LGI3: variants seen among roughly 807,000 people sequenced by gnomAD.
LGI3 encodes the protein leucine-rich repeat LGI family member 3.
In LGI3, 47 loss-of-function variants were observed where a neutral mutation model predicts 55.4. The observed-to-expected ratio is 0.85, with a 90% confidence interval of 0.67 to 1.08. The LOEUF is 1.08. Among genes scored for constraint, LGI3 ranks in the 50% least tolerant of loss-of-function variants. The pLI, the probability that LGI3 is intolerant of heterozygous loss-of-function variation, is 0.00. For synonymous variants in LGI3, 326 were observed against 315.0 expected (o/e 1.04, Z -0.37); for missense variants, 664 against 726.3 (o/e 0.91, Z 0.99).
chr8:22,151,365 C>A, intron 7 of LGI3, 124 bp downstream of exon 7: 3 of 913,080 alleles, frequency 3.3e-6, no homozygotes, highest in Non-Finnish European at 5.1e-6. Flanking sequence ...CTGGAAAGTT[C>A]TTGTGGGCAG....
At chr8:22,151,690 G>T in intron 6 of LGI3, 37 bp from the exon 7 acceptor site, 1 of 1,606,270 alleles carries the variant, frequency 6.2e-7, no homozygotes, top group Non-Finnish European at 8.5e-7. Flanking sequence ...AGACCAGAGG[G>T]AGAAGGGAAG....
At chr8:22,154,503 C>T in intron 3 of LGI3, 57 bp downstream of exon 3, 3 of 1,507,740 alleles carry the variant, frequency 2.0e-6, no homozygotes, top group Non-Finnish European at 2.8e-6. Flanking sequence ...CTCGGCCTCC[C>T]AGGCCTGGGG....
Position 22,154,221 on chromosome 8 carries a change from A to C in LGI3, c.351-8T>G, listed in dbSNP as rs931573680. On this transcript the variant is annotated splice_region_variant and splice_polypyrimidine_tract_variant and intron_variant, in intron 3 of 7. Coordinates refer to ENST00000306317, the MANE Select transcript of LGI3 (RefSeq NM_139278.4). ...TCATTGTTCTCAATGAAGCTGGGGA[A>C]AGCGGGAACTTGCCTCAGTGCTCAC... 3 of 1,613,374 alleles carry C rather than the reference A, an allele frequency of 1.9e-6. No individual in the cohort carries two copies. The highest frequency in any genetic ancestry group is 1.7e-6 in the Non-Finnish European group (2 of 1,179,580).
intron 1 of LGI3, 79 bp downstream of exon 1, chr8:22,156,258 G>T: frequency 6.9e-7 from 1 of 1,456,128 alleles, no homozygotes; most frequent in Non-Finnish European, 9.4e-7. Flanking sequence ...GGGGGAGCGG[G>T]GGTTCTCCTG....
In LGI3 at chr8:22,153,974, T is replaced by G. The variant is rs780011979; in HGVS notation, c.488A>C (p.Asn163Thr). Reference protein sequence around the residue: ...RDIFRPLDILNDLDLRGNSLN... With the variant: ...RDIFRPLDILTDLDLRGNSLN... ...GGCAGGACTCAGGCCTTACAAGTCA[T>G]TCAGGATGTCCAGGGGCCGGAAGAT... The change falls in exon 5 of 8, where the codon AAT becomes ACT. Residue 163 changes from asparagine to threonine, a missense_variant. Asn to Thr is a moderately conservative substitution (Grantham distance 65). Transcript: ENST00000306317. 7 of 1,613,874 alleles carry G rather than the reference T, an allele frequency of 4.3e-6. No individual in the cohort carries two copies. In the South Asian group the frequency reaches 7.7e-5, roughly 18 times the overall value.
chr8:22,155,404 A>G lies in LGI3; in HGVS notation c.266T>C (p.Leu89Pro). 6.2e-7 allele frequency: 1 copy of G among 1,613,910 alleles called. No individual in the cohort carries two copies. The change falls in exon 2 of 8, where the codon CTG becomes CCG. Residue 89 changes from leucine (L) to proline (P), a missense_variant. Leu to Pro is a moderately conservative substitution (Grantham distance 98). Transcript: ENST00000306317. ...GCCCTATCCATACAAGAACTGCAGC[A>G]GCGGGAGGTGGGAGAACGCTCCATC... The part of the protein sequence containing the change: ...IQDGAFSHLP[L>P]LQFLLLNSNK...
intron 7 of LGI3, among the ~76,000 whole-genome samples, chr8:22,150,867 C>T (rs186618679): frequency 6.6e-6 from 1 of 151,972 alleles, no homozygotes; most frequent in Admixed American, 6.6e-5. Context: ...TGACCTGGTA[C>T]TCATCAATAT....
rs769376680 is a variant in LGI3 at position 22,154,575 on chromosome 8, G to A, written c.335C>T (p.Ser112Leu). The change falls in exon 3 of 8, where the codon TCG becomes TTG. Residue 112 changes from serine (S) to leucine (L), a missense_variant. Coordinates refer to ENST00000306317, the MANE Select transcript of LGI3 (RefSeq NM_139278.4). ...LIGDNAFTGLSHLQYLFIENN... is the reference protein window; with the variant it reads ...LIGDNAFTGLLHLQYLFIENN... ...TCCCACACACAGATACTGCAGGTGC[G>A]ACAGTCCTGTGAAGGCGTTGTCTCC... 18 of 1,613,910 alleles carry A rather than the reference G, an allele frequency of 1.1e-5. No individual in the cohort carries two copies. The highest frequency in any genetic ancestry group is 2.2e-5 in the South Asian group (2 of 91,068).
In LGI3 at chr8:22,147,908, C is replaced by T. The variant is rs1253033935; in HGVS notation, c.*252G>A. 2.0e-6 allele frequency: 1 copy of T among 490,888 alleles called. No individual in the cohort carries two copies. Among genetic ancestry groups the T allele is most frequent in the Non-Finnish European group, 3.6e-6 (1 of 276,608 alleles). 30.4% of individuals were successfully genotyped at this position (490,888 alleles called of 1,614,324 possible). A position where few individuals can be genotyped will look rare whatever the true frequency, so the allele number is the denominator to read the frequency against. On this transcript the variant is annotated 3_prime_UTR_variant, in exon 8 of 8. Transcript: ENST00000306317. ...GGGAAAGGCTGCAGAGTAGGGGGGG[C>T]CTGCAGTTGGGGTCACGGGAACTGG...
At position 22,154,669 on chromosome 8, in the gene LGI3, G is replaced by A. The variant is rs765732594; in HGVS notation, c.279-38C>T. 4 of 1,496,810 alleles carry A rather than the reference G, an allele frequency of 2.7e-6. No homozygotes were observed. In the East Asian group the frequency reaches 6.8e-5, roughly 25 times the overall value. 92.7% of individuals were successfully genotyped at this position (1,496,810 alleles called of 1,614,324 possible). On this transcript the variant is annotated intron_variant, in intron 2 of 7. Coordinates refer to ENST00000306317, the MANE Select transcript of LGI3 (RefSeq NM_139278.4). ...AGGTGGAATTAGAGCTTCCAAGGGT[G>A]TGCCTGCTGCCCCAGCCCCCAGCCC...
Position 22,148,836 on chromosome 8 carries a change from T to G in LGI3, c.971A>C (p.Gln324Pro), listed in dbSNP as rs1827341659. 6.2e-7 allele frequency: 1 copy of G among 1,614,080 alleles called. No homozygotes were observed. Among genetic ancestry groups the G allele is most frequent in the Non-Finnish European group, 8.5e-7 (1 of 1,180,040 alleles). ...TAGGTCGTTAGGCTTGCGCACGCGC[T>G]GCGGGTCAATGTCTTGCAGCCTGGT... ...RFTRLQDIDP[Q>P]RVRKPNDLEA... The change falls in exon 8 of 8, where the codon CAG (glutamine) becomes CCG (proline). Residue 324 changes from glutamine to proline, a missense_variant. Physicochemically the swap from Gln to Pro is moderately conservative, Grantham distance 76. Coordinates refer to ENST00000306317, the MANE Select transcript of LGI3 (RefSeq NM_139278.4). This position sits in a 1 kb window ranked among gnomAD's most constrained non-coding sequence, Gnocchi z 7.0.
At chr8:22,149,012 G>A (rs746186250) in intron 7 of LGI3, 35 bp from the exon 8 acceptor site, 1 of 1,514,408 alleles carries the variant, frequency 6.6e-7, no homozygotes, top group South Asian at 1.3e-5. Context: ...CATCAGGCAG[G>A]CCGGCGGCTC....
At chr8:22,151,736 C>G (rs527499426) in intron 6 of LGI3, 83 bp from the exon 7 acceptor site, 9 of 1,573,160 alleles carry the variant, frequency 5.7e-6, no homozygotes, top group Admixed American at 1.7e-5. Flanking sequence ...TTACTGCTGC[C>G]GCTGGGTGTT....
rs1389763550 is a variant in LGI3 at position 22,151,620 on chromosome 8, G to A, written c.698C>T (p.Ala233Val). 6.2e-7 allele frequency: 1 copy of A among 1,614,138 alleles called. No homozygotes were observed. Among genetic ancestry groups the A allele is most frequent in the Admixed American group, 1.7e-5 (1 of 60,026 alleles). Residue 233 changes from alanine (A) to valine (V), a missense_variant, in exon 7 of 8, where the codon GCA becomes GTA. Transcript: ENST00000306317. ...GTAGAGGAAGGGCTCAGCCGACACT[G>A]CTGGGAAGGCCAGGGTCTGGTACAA... is the stretch of plus-strand genomic sequence containing the variant. ...FVLYQTLAFP[A>V]VSAEPFLYSS...
intron 2 of LGI3, 172 bp from the exon 3 acceptor site, chr8:22,154,803 G>A (rs1321909531): frequency 1.7e-5 from 10 of 600,084 alleles, no homozygotes; most frequent in Non-Finnish European, 2.1e-5. Flanking sequence ...GCAGGAGCCT[G>A]TTCTGGCCCC....
intron 5 of LGI3, among the ~76,000 whole-genome samples, chr8:22,153,093 T>C (rs544547610): frequency 7.0e-6 from 1 of 142,966 alleles, no homozygotes; most frequent in Non-Finnish European, 1.6e-5. Context: ...TTTTTTTTTT[T>C]AATATTTTGA....
rs376548022 is a variant in LGI3 at position 22,153,954 on chromosome 8, G to A, written c.494+14C>T. The A allele has an allele frequency of 4.3e-5, 70 of 1,612,866 alleles. No homozygotes were observed. The highest frequency in any genetic ancestry group is 5.8e-5 in the Non-Finnish European group (68 of 1,179,378). The stretch of plus-strand genomic sequence containing the variant: ...TCTGCGGCACTGTTGGAAGAGGCAG[G>A]ACTCAGGCCTTACAAGTCATTCAGG... On this transcript the variant is annotated intron_variant, in intron 5 of 7. Coordinates refer to ENST00000306317, the MANE Select transcript of LGI3 (RefSeq NM_139278.4).
At chr8:22,156,256 G>A (rs1045102520) in intron 1 of LGI3, 81 bp downstream of exon 1, 1 of 1,454,770 alleles carries the variant, frequency 6.9e-7, no homozygotes, top group Non-Finnish European at 9.4e-7. Flanking sequence ...GAGGGGGAGC[G>A]GGGGTTCTCC....
In LGI3 at chr8:22,151,896, G is replaced by C. The variant is rs1484754068; in HGVS notation, c.599C>G (p.Pro200Arg). ...CACCTTGTGCTCCTGGAAGCGGGGCGGGCTGGCGCAGTAGATGGGTGCCAC... is the reference window on the plus strand; with the variant it reads ...CACCTTGTGCTCCTGGAAGCGGGGCCGGCTGGCGCAGTAGATGGGTGCCAC... ...TTVAPIYCAS[P>R]PRFQEHKVQD... The change falls in exon 6 of 8, where the codon CCG becomes CGG. Residue 200 changes from proline (P) to arginine (R), a missense_variant. Physicochemically the swap from Pro to Arg is moderately radical, Grantham distance 103 (BLOSUM62 -2). Transcript: ENST00000306317. The C allele has an allele frequency of 6.2e-7, 1 of 1,613,332 alleles. No homozygotes were observed. Among genetic ancestry groups the C allele is most frequent in the Non-Finnish European group, 8.5e-7 (1 of 1,179,952 alleles).
Sources: gnomAD v4.1 joint callset for allele counts (sites outside exome capture counted in the v4.1 genomes callset) on GRCh38, gnomAD v4.1.1 for gene constraint, Gnocchi (gnomAD v3.1) non-coding constraint, MANE v1.5 for transcripts, NCBI Gene and HGNC (gene_info 2026-07-23, HGNC 2026-07-21) for gene names.